Variants in CSMD1 observed in about 807,000 individuals in gnomAD.
CSMD1 encodes the protein CUB and Sushi multiple domains 1.
Under a neutral mutation model 417.5 loss-of-function variants are expected in CSMD1, and 213 were observed. That is an observed-to-expected ratio of 0.51 (90% CI 0.46 to 0.57). The LOEUF (loss-of-function observed/expected upper bound fraction) is 0.57. Among genes scored for constraint, CSMD1 ranks in the 20% least tolerant of loss-of-function variants. The pLI is 0.00. For missense variants in CSMD1, 6,923 were observed against 4,529.7 expected, an observed-to-expected ratio of 1.53 and a Z score of -15.17; for synonymous variants, 2,862 against 1,736.8, an observed-to-expected ratio of 1.65 and a Z score of -16.11.
At position 4,725,293 on chromosome 8, in the gene CSMD1, T is replaced by A. The variant is rs529336188; in HGVS notation, c.86-87735A>T. On this transcript the variant is annotated intron_variant, in intron 1 of 69. Coordinates refer to ENST00000635120, the MANE Select transcript of CSMD1 (RefSeq NM_033225.6). ...ATGAATGACCAAGATCTGATTACTT[T>A]TCTTCAACACCATTTTTCCTAATTA... is the stretch of plus-strand genomic sequence containing the variant. Among the ~76,000 whole-genome samples, 20 of 152,308 alleles carry A rather than the reference T, an allele frequency of 1.3e-4. No individual in the cohort carries two copies. In the South Asian group the frequency reaches 4.1e-3, roughly 32 times the overall value.
At chr8:3,779,406 G>C (rs1018111753) in intron 5 of CSMD1, among the ~76,000 whole-genome samples, 3 of 152,088 alleles carry the variant, frequency 2.0e-5, no homozygotes, top group African/African-American at 7.2e-5. Flanking sequence ...TAATCGATGA[G>C]CACTACGTAG....
intron 1 of CSMD1, among the ~76,000 whole-genome samples, chr8:4,853,147 A>G (rs577240788): frequency 6.6e-6 from 1 of 152,230 alleles, no homozygotes; most frequent in African/African-American, 2.4e-5. Flanking sequence ...TATGGAGCAA[A>G]CACTTTCTAG....
chr8:3,301,848 G>T (rs1260312323), intron 25 of CSMD1, among the ~76,000 whole-genome samples: 10 of 152,166 alleles, frequency 6.6e-5, no homozygotes, highest in Admixed American at 5.9e-4. Context: ...AAAGTAACAG[G>T]AAAGTCATGG....
At position 4,832,652 on chromosome 8, in the gene CSMD1, A is replaced by G. The variant is rs1177707613; in HGVS notation, c.85+161680T>C. The stretch of plus-strand genomic sequence containing the variant: ...CAAATCTATCTGCTAAATGCTTTAA[A>G]TATATATTCTCATATTTCTCACAAA... On this transcript the variant is annotated intron_variant, in intron 1 of 69. Coordinates refer to ENST00000635120, the MANE Select transcript of CSMD1 (RefSeq NM_033225.6). Among the ~76,000 whole-genome samples the G allele has an allele frequency of 4.8e-4, 73 of 152,210 alleles. 1 individual carries two copies. The highest frequency in any genetic ancestry group is 4.6e-3 in the Admixed American group (71 of 15,282).
At chr8:3,070,938 G>C (rs542752555) in intron 49 of CSMD1, among the ~76,000 whole-genome samples, 33 of 152,314 alleles carry the variant, frequency 2.2e-4, no homozygotes, top group South Asian at 6.2e-4. Context: ...GGTTCTGTGG[G>C]CTTTATAGGA....
chr8:3,155,160 C>A lies in CSMD1; in HGVS notation c.5914+2737G>T, dbSNP rs372247690. 6.2e-4 allele frequency among the ~76,000 whole-genome samples: 94 copies of A among 151,948 alleles called. 2 individuals carry two copies. The East Asian group carries it at 0.015, about 25-fold the overall frequency. On this transcript the variant is annotated intron_variant, in intron 39 of 69. Coordinates refer to ENST00000635120, the MANE Select transcript of CSMD1 (RefSeq NM_033225.6). ...CCCATTATGTAATACAAAGTGACAG[C>A]AAAGGCATATTATTTGAGTCTATGT... is the stretch of plus-strand genomic sequence containing the variant.
intron 10 of CSMD1, among the ~76,000 whole-genome samples, chr8:3,530,418 G>C (rs1297468737): frequency 6.6e-6 from 1 of 152,130 alleles, no homozygotes; most frequent in African/African-American, 2.4e-5. Context: ...TCGATCTAAT[G>C]ATTGTTTAGG....
In CSMD1 at chr8:4,151,990, G is replaced by C. The variant is rs7830636; in HGVS notation, c.416-119891C>G. Among the ~76,000 whole-genome samples, 988 of 152,192 alleles carry C rather than the reference G, an allele frequency of 6.5e-3. 12 individuals are homozygous for C. Among genetic ancestry groups the C allele is most frequent in the African/African-American group, 0.023 (951 of 41,508 alleles). On this transcript the variant is annotated intron_variant, in intron 3 of 69. Coordinates refer to ENST00000635120, the MANE Select transcript of CSMD1 (RefSeq NM_033225.6). ...TTACAATCCTTCCTGCTTGTGGTTTGCTAGGGGGTCATTTTAACGTAATCA... is the reference window on the plus strand; with the variant it reads ...TTACAATCCTTCCTGCTTGTGGTTTCCTAGGGGGTCATTTTAACGTAATCA...
chr8:2,980,531 C>G (rs1480515138), intron 54 of CSMD1, among the ~76,000 whole-genome samples: 2 of 152,094 alleles, frequency 1.3e-5, no homozygotes, highest in East Asian at 1.9e-4. Flanking sequence ...TTTGGCCCAG[C>G]CTCTCTTAAA....
At chr8:3,740,742 T>A (rs146469963) in intron 6 of CSMD1, among the ~76,000 whole-genome samples, 21 of 152,290 alleles carry the variant, frequency 1.4e-4, no homozygotes, top group African/African-American at 4.8e-4. Flanking sequence ...TGGTACCTAG[T>A]TCCACAAAGG....
At chr8:3,373,459 G>T (rs528367036) in intron 18 of CSMD1, 2 of 152,194 alleles carry the variant, frequency 1.3e-5, no homozygotes, top group Non-Finnish European at 2.9e-5. Flanking sequence ...TTACATAAAA[G>T]TAATTCTGTC....
At chr8:3,084,934 T>C (rs1814414190) in intron 49 of CSMD1, among the ~76,000 whole-genome samples, 1 of 151,558 alleles carries the variant, frequency 6.6e-6, no homozygotes, top group African/African-American at 2.4e-5. Flanking sequence ...ATATATATAA[T>C]GAAAATAATT....
chr8:3,883,919 T>C (rs1020828086), intron 5 of CSMD1, among the ~76,000 whole-genome samples: 6 of 152,246 alleles, frequency 3.9e-5, no homozygotes, highest in Admixed American at 2.0e-4. Context: ...TATGTTAAAA[T>C]ATATGAATAT....
intron 2 of CSMD1, among the ~76,000 whole-genome samples, chr8:4,493,053 T>G (rs1252429865): frequency 2.0e-5 from 3 of 152,140 alleles, no homozygotes; most frequent in Non-Finnish European, 2.9e-5. Flanking sequence ...TATTAAATAT[T>G]TCAGTTCTGA....
At chr8:3,861,950 C>G (rs896721890) in intron 5 of CSMD1, among the ~76,000 whole-genome samples, 1 of 152,150 alleles carries the variant, frequency 6.6e-6, no homozygotes, top group Admixed American at 6.6e-5. Context: ...TCTTTGTACC[C>G]TGGTTTAATA....
intron 5 of CSMD1, among the ~76,000 whole-genome samples, chr8:3,892,583 T>C (rs190106928): frequency 6.6e-6 from 1 of 151,970 alleles, no homozygotes; most frequent in Non-Finnish European, 1.5e-5. Context: ...TAAAACCAGT[T>C]AAATCTGTTC....
intron 5 of CSMD1, among the ~76,000 whole-genome samples, chr8:3,955,018 C>G (rs1016560466): frequency 1.3e-5 from 2 of 152,188 alleles, no homozygotes; most frequent in African/African-American, 4.8e-5. Context: ...AATGGCCTCT[C>G]CTTTGCACTG....
At chr8:3,535,579 T>A (rs1309291429) in intron 10 of CSMD1, among the ~76,000 whole-genome samples, 2 of 152,008 alleles carry the variant, frequency 1.3e-5, no homozygotes, top group Non-Finnish European at 2.9e-5. Flanking sequence ...GGATGAGAAA[T>A]TACTTAATGA....
chr8:4,262,250 A>G (rs1476814559), intron 3 of CSMD1, among the ~76,000 whole-genome samples: 1 of 152,142 alleles, frequency 6.6e-6, no homozygotes, highest in East Asian at 1.9e-4. Flanking sequence ...ACTCCGGGGC[A>G]TGGTGGAGGA....
Sources: allele counts gnomAD v4.1 joint callset (sites outside exome capture counted in the v4.1 genomes callset), GRCh38; gene constraint gnomAD v4.1.1; transcripts MANE v1.5; gene names NCBI Gene and HGNC (gene_info 2026-07-23, HGNC 2026-07-21).